MVB12B: variants seen among roughly 807,000 people sequenced by gnomAD.
MVB12B encodes the protein ESCRT-I complex subunit MVB12B.
In MVB12B, 16 loss-of-function variants were observed where a neutral mutation model predicts 41.6. The ratio of observed to expected loss-of-function variants is 0.38; its 90% confidence interval spans 0.26 to 0.58. The LOEUF (loss-of-function observed/expected upper bound fraction) is 0.58, where lower values mean the gene tolerates loss of function less well. Among genes scored for constraint, MVB12B ranks in the 20% least tolerant of loss-of-function variants. The probability of loss-of-function intolerance (pLI) is 0.62; values close to 1 mark genes in which losing one functional copy is unlikely to be tolerated. For missense variants in MVB12B, 274 were observed against 380.2 expected (o/e 0.72, Z 2.32); for synonymous variants, 133 against 139.7 (o/e 0.95, Z 0.34).
intron 6 of MVB12B, among the ~76,000 whole-genome samples, chr9:126,416,236 G>C (rs905901414): frequency 2.0e-5 from 3 of 152,202 alleles, no homozygotes; most frequent in Non-Finnish European, 4.4e-5. Context: ...TGAAGCTCGC[G>C]TACTTGCATG....
At chr9:126,407,571 C>A (rs1258988665) in intron 6 of MVB12B, among the ~76,000 whole-genome samples, 2 of 152,148 alleles carry the variant, frequency 1.3e-5, no homozygotes, top group Non-Finnish European at 2.9e-5. Flanking sequence ...CCAAAATTGG[C>A]CTTGTTGGTG....
intron 7 of MVB12B, among the ~76,000 whole-genome samples, chr9:126,476,978 A>G (rs1770086199): frequency 6.6e-6 from 1 of 151,596 alleles, no homozygotes; most frequent in Non-Finnish European, 1.5e-5. Flanking sequence ...GGCTGTTCTT[A>G]TGTTGCTATA....
chr9:126,485,682 T>C (rs1023247202), intron 9 of MVB12B, among the ~76,000 whole-genome samples: 2 of 151,898 alleles, frequency 1.3e-5, no homozygotes, highest in Admixed American at 6.6e-5. Context: ...CTTCATGAGG[T>C]CAGGGTACCT....
chr9:126,468,326 G>T lies in MVB12B; in HGVS notation c.758-13043G>T, dbSNP rs367757484. On this transcript the variant is annotated intron_variant, in intron 7 of 9. Coordinates refer to ENST00000361171, the MANE Select transcript of MVB12B (RefSeq NM_033446.3). This position sits in a 1 kb window ranked among gnomAD's most constrained non-coding sequence, Gnocchi z 4.3. ...CCTCACACACCCATCTCACATTCTC[G>T]GTCATAATGTTCTAACCAGTGTTGA... 2.0e-5 allele frequency among the ~76,000 whole-genome samples: 3 copies of T among 152,084 alleles called. No homozygotes were observed. The highest frequency in any genetic ancestry group is 7.2e-5 in the African/African-American group (3 of 41,394).
intron 2 of MVB12B, among the ~76,000 whole-genome samples, chr9:126,379,852 G>A (rs1037608841): frequency 6.6e-6 from 1 of 152,270 alleles, no homozygotes; most frequent in Admixed American, 6.5e-5. Context: ...TGTGCTGTGG[G>A]GCCTGCCATG....
At chr9:126,334,592 T>C (rs1004153237) in intron 1 of MVB12B, among the ~76,000 whole-genome samples, 2 of 152,214 alleles carry the variant, frequency 1.3e-5, no homozygotes, top group African/African-American at 4.8e-5. Context: ...TCAGGAACCA[T>C]TGCTTTTGGG....
chr9:126,374,113 A>T (rs1187852697), intron 2 of MVB12B, among the ~76,000 whole-genome samples: 1 of 152,258 alleles, frequency 6.6e-6, no homozygotes, highest in East Asian at 1.9e-4. Flanking sequence ...TCCTCTAATC[A>T]TTAGAAATTT....
At chr9:126,328,697 G>C (rs1366686069) in intron 1 of MVB12B, among the ~76,000 whole-genome samples, 1 of 152,206 alleles carries the variant, frequency 6.6e-6, no homozygotes, top group Non-Finnish European at 1.5e-5. Context: ...TAAACGGTAG[G>C]GGTCATTATG....
At chr9:126,338,832 C>T (rs1055183252) in intron 1 of MVB12B, among the ~76,000 whole-genome samples, 1 of 152,152 alleles carries the variant, frequency 6.6e-6, no homozygotes, top group African/African-American at 2.4e-5. Context: ...TAATTCTAAA[C>T]CTTTACTGGG....
At position 126,395,368 on chromosome 9, in the gene MVB12B, G is replaced by C. The variant is rs1831080716; in HGVS notation, c.540-207G>C. ...TGATGCAGGCGGCCTTGTCCCGAAG[G>C]CCTGCCTAGATGGAACGGGTCACCC... On this transcript the variant is annotated intron_variant, in intron 5 of 9. Coordinates refer to ENST00000361171, the MANE Select transcript of MVB12B (RefSeq NM_033446.3). The surrounding 1 kb of genome is among the most constrained non-coding windows in gnomAD (Gnocchi z 4.9). Among the ~76,000 whole-genome samples, 4 of 152,198 alleles carry C rather than the reference G, an allele frequency of 2.6e-5. No homozygotes were observed. Among genetic ancestry groups the C allele is most frequent in the East Asian group, 1.9e-4 (1 of 5,194 alleles).
Position 126,505,729 on chromosome 9 carries a change from G to C in MVB12B, c.*2466G>C, listed in dbSNP as rs1219798359. ...GCGTGTGTATAAGCCCACCTGAGTG[G>C]GGCTCGTGCAGGAGAACTGAGGCAT... is the stretch of plus-strand genomic sequence containing the variant. On this transcript the variant is annotated 3_prime_UTR_variant, in exon 10 of 10. Transcript: ENST00000361171. 6.6e-6 allele frequency: 1 copy of C among 152,092 alleles called. No individual in the cohort carries two copies. The highest frequency in any genetic ancestry group is 1.5e-5 in the Non-Finnish European group (1 of 68,040). The allele number at this position is 152,092 out of a possible 1,614,324, so 9.4% of individuals were successfully genotyped here.
chr9:126,418,160 T>G (rs1831879717), intron 6 of MVB12B, among the ~76,000 whole-genome samples: 1 of 144,368 alleles, frequency 6.9e-6, no homozygotes, highest in Non-Finnish European at 1.5e-5. Flanking sequence ...GAAGTGGGAG[T>G]TGGCGGGGTG....
intron 6 of MVB12B, chr9:126,397,670 C>G: frequency 1.0e-6 from 1 of 983,340 alleles, no homozygotes. Context: ...AGGTAGGATG[C>G]ACACCTATGT....
At chr9:126,450,115 G>A (rs1203958827) in intron 7 of MVB12B, among the ~76,000 whole-genome samples, 1 of 152,238 alleles carries the variant, frequency 6.6e-6, no homozygotes, top group Non-Finnish European at 1.5e-5. Context: ...TCAAGTTCAT[G>A]TCGCAGTCTG....
chr9:126,346,122 G>C (rs986826721), intron 2 of MVB12B, among the ~76,000 whole-genome samples: 12 of 152,170 alleles, frequency 7.9e-5, no homozygotes, highest in African/African-American at 2.7e-4. Flanking sequence ...AGAAAAAAGA[G>C]GCTCTTAGAC....
chr9:126,387,030 C>T (rs780381934), intron 4 of MVB12B, among the ~76,000 whole-genome samples: 3 of 152,114 alleles, frequency 2.0e-5, no homozygotes, highest in South Asian at 4.1e-4. Context: ...AATCAAAAGA[C>T]GCCCAGAGAA....
intron 7 of MVB12B, among the ~76,000 whole-genome samples, chr9:126,455,643 C>T (rs1431390830): frequency 1.3e-5 from 2 of 152,044 alleles, no homozygotes; most frequent in Non-Finnish European, 2.9e-5. Flanking sequence ...TGCCACCATG[C>T]CCAGCTGATT....
chr9:126,455,344 C>T lies in MVB12B; in HGVS notation c.758-26025C>T, dbSNP rs536309714. Among the ~76,000 whole-genome samples the T allele has an allele frequency of 1.6e-3, 247 of 151,686 alleles. 3 individuals carry two copies. The South Asian group carries it at 0.018, about 11-fold the overall frequency. On this transcript the variant is annotated intron_variant, in intron 7 of 9. Coordinates refer to ENST00000361171, the MANE Select transcript of MVB12B (RefSeq NM_033446.3). The stretch of plus-strand genomic sequence containing the variant: ...ATGGGACAACAGGCACGTGCCACCA[C>T]GCCCAGCTAATTTTTGTATTTTTAG...
chr9:126,466,533 G>A (rs893844844), intron 7 of MVB12B, among the ~76,000 whole-genome samples: 50 of 152,236 alleles, frequency 3.3e-4, no homozygotes, highest in East Asian at 3.9e-4. Context: ...TGACATGACC[G>A]CGTAGGTGAC....
Sources: allele counts gnomAD v4.1 joint callset (sites outside exome capture counted in the v4.1 genomes callset), GRCh38; gene constraint gnomAD v4.1.1; non-coding constraint Gnocchi (gnomAD v3.1); transcripts MANE v1.5; gene names NCBI Gene and HGNC (gene_info 2026-07-23, HGNC 2026-07-21).